Variants in ZCCHC7 observed in about 807,000 individuals in gnomAD.
The protein encoded by ZCCHC7 is zinc finger CCHC domain-containing protein 7.
Under a neutral mutation model 52.0 loss-of-function variants are expected in ZCCHC7, and 35 were observed. The ratio of observed to expected loss-of-function variants is 0.67; its 90% CI spans 0.51 to 0.89. ZCCHC7 has a LOEUF of 0.89. Ranked by LOEUF, ZCCHC7 falls within the 40% of genes least tolerant of loss-of-function variation. The pLI is 0.00. For synonymous variants in ZCCHC7, 217 were observed against 221.5 expected (o/e 0.98, Z 0.18); for missense variants, 574 against 649.1 (o/e 0.88, Z 1.26).
At chr9:37,282,872 CTTTTTTTTTT>C (rs58619243) in intron 2 of ZCCHC7, among the ~76,000 whole-genome samples, 1 of 78,134 alleles carries the variant, frequency 1.3e-5, no homozygotes, top group East Asian at 3.9e-4. Context: ...AGACCTGAAT[CTTTTTTTTTT>C]TTTTTTTTTT....
chr9:37,233,621 G>A (rs966391156), intron 2 of ZCCHC7, among the ~76,000 whole-genome samples: 1 of 152,156 alleles, frequency 6.6e-6, no homozygotes, highest in Non-Finnish European at 1.5e-5. Flanking sequence ...GTAAGGTCAA[G>A]TAACCATTAA....
At chr9:37,172,529 G>T (rs185579374) in intron 2 of ZCCHC7, among the ~76,000 whole-genome samples, 1 of 152,320 alleles carries the variant, frequency 6.6e-6, no homozygotes, top group Admixed American at 6.5e-5. Context: ...TTAAAAATTT[G>T]AATATACACG....
At chr9:37,134,882 T>C (rs1842936150) in intron 2 of ZCCHC7, among the ~76,000 whole-genome samples, 1 of 152,034 alleles carries the variant, frequency 6.6e-6, no homozygotes. Context: ...TGTGCCACCA[T>C]GCCCAGCTAA....
intron 2 of ZCCHC7, among the ~76,000 whole-genome samples, chr9:37,250,660 T>A (rs1362832857): frequency 6.6e-6 from 1 of 152,226 alleles, no homozygotes; most frequent in Non-Finnish European, 1.5e-5. Context: ...TTGAATAAGG[T>A]ACAGTCAAGT....
intron 1 of ZCCHC7, among the ~76,000 whole-genome samples, chr9:37,122,662 A>G (rs1206892116): frequency 6.6e-6 from 1 of 152,256 alleles, no homozygotes; most frequent in Non-Finnish European, 1.5e-5. Context: ...ATTTTGGGCC[A>G]TGTGCGGTGG....
At chr9:37,248,329 T>C (rs1019711243) in intron 2 of ZCCHC7, among the ~76,000 whole-genome samples, 1 of 152,210 alleles carries the variant, frequency 6.6e-6, no homozygotes, top group Non-Finnish European at 1.5e-5. Context: ...TGCTTCTAGA[T>C]GTGCAATCTG....
intron 2 of ZCCHC7, among the ~76,000 whole-genome samples, chr9:37,205,692 A>AT (rs58265016): frequency 0.14 from 20,872 of 152,064 alleles, 1,731 homozygotes; most frequent in Non-Finnish European, 0.17. Context: ...AATTTTTTGT[A>AT]TTTTTAGTAG....
At chr9:37,225,314 C>A (rs1238979471) in intron 2 of ZCCHC7, among the ~76,000 whole-genome samples, 2 of 152,126 alleles carry the variant, frequency 1.3e-5, no homozygotes, top group African/African-American at 4.8e-5. Context: ...AGATTAAAAT[C>A]TTCCAGTAGA....
intron 6 of ZCCHC7, among the ~76,000 whole-genome samples, chr9:37,346,141 TAC>T (rs1402525632): frequency 6.6e-6 from 1 of 152,112 alleles, no homozygotes; most frequent in Non-Finnish European, 1.5e-5. Flanking sequence ...TAGCTGGGAT[TAC>T]AGGCATGCAC....
chr9:37,345,040 T>C (rs1588700661), intron 6 of ZCCHC7, among the ~76,000 whole-genome samples: 1 of 152,328 alleles, frequency 6.6e-6, no homozygotes, highest in Middle Eastern at 3.4e-3. Flanking sequence ...AGCAGCTTTC[T>C]ACTTATAATA....
At chr9:37,336,543 A>G (rs1830671609) in intron 6 of ZCCHC7, among the ~76,000 whole-genome samples, 1 of 152,122 alleles carries the variant, frequency 6.6e-6, no homozygotes, top group Admixed American at 6.6e-5. Context: ...GTTATGGTAA[A>G]AATGAAAATC....
chr9:37,216,450 G>A (rs765240295), intron 2 of ZCCHC7, among the ~76,000 whole-genome samples: 9 of 152,124 alleles, frequency 5.9e-5, no homozygotes, highest in East Asian at 1.9e-4. Context: ...CGAGGTGGGC[G>A]GATCACTTGA....
At chr9:37,218,042 T>C (rs1431845447) in intron 2 of ZCCHC7, among the ~76,000 whole-genome samples, 4 of 152,210 alleles carry the variant, frequency 2.6e-5, no homozygotes, top group East Asian at 1.9e-4. Context: ...GACTCTGATA[T>C]TAAAATTTAG....
chr9:37,275,630 A>G (rs1227995954), intron 2 of ZCCHC7, among the ~76,000 whole-genome samples: 3 of 150,826 alleles, frequency 2.0e-5, no homozygotes, highest in African/African-American at 7.3e-5. Flanking sequence ...GGAATGGCAG[A>G]CTCTTTTTTC....
intron 2 of ZCCHC7, among the ~76,000 whole-genome samples, chr9:37,219,715 A>G (rs777364764): frequency 6.6e-6 from 1 of 152,264 alleles, no homozygotes; most frequent in Non-Finnish European, 1.5e-5. Flanking sequence ...ATTTTAAGAT[A>G]TAATGTGGTA....
chr9:37,137,295 A>G lies in ZCCHC7; in HGVS notation c.610+10353A>G, dbSNP rs190688576. Among the ~76,000 whole-genome samples the G allele has an allele frequency of 2.0e-4, 31 of 152,322 alleles. No individual in the cohort carries two copies. The Middle Eastern group carries it at 0.01, about 50-fold the overall frequency. On this transcript the variant is annotated intron_variant, in intron 2 of 8. Transcript: ENST00000336755. ...AGATTAAAAAGTAGATAGGCAAAGT[A>G]CAAGACTGAATTGAAAAGGAACCCT...
intron 2 of ZCCHC7, among the ~76,000 whole-genome samples, chr9:37,129,191 G>A (rs1336559832): frequency 6.6e-6 from 1 of 152,192 alleles, no homozygotes; most frequent in Non-Finnish European, 1.5e-5. Context: ...ACATGCTAAA[G>A]TTGATGGCAC....
intron 2 of ZCCHC7, among the ~76,000 whole-genome samples, chr9:37,190,421 CA>C (rs1312417070): frequency 6.6e-6 from 1 of 152,226 alleles, no homozygotes; most frequent in East Asian, 1.9e-4. Flanking sequence ...TTCCAGATTT[CA>C]GCTGCTTTGA....
At chr9:37,308,980 CAAAA>C (rs56871245) in intron 5 of ZCCHC7, among the ~76,000 whole-genome samples, 3 of 107,296 alleles carry the variant, frequency 2.8e-5, no homozygotes, top group East Asian at 3.7e-4. Flanking sequence ...AGTCTGTATC[CAAAA>C]AAAAAAAAAA....
Sources: gnomAD v4.1 joint callset for allele counts (sites outside exome capture counted in the v4.1 genomes callset) on GRCh38, gnomAD v4.1.1 for gene constraint, MANE v1.5 for transcripts, NCBI Gene and HGNC (gene_info 2026-07-23, HGNC 2026-07-21) for gene names.